TUBA3D: variants seen among roughly 807,000 people sequenced by gnomAD.
TUBA3D encodes the protein tubulin alpha-3D chain.
TUBA3D carries 24 observed loss-of-function variants against 36.1 expected under a neutral mutation model. That is an observed-to-expected ratio of 0.66 (90% CI 0.48 to 0.93). The LOEUF (loss-of-function observed/expected upper bound fraction) is 0.93. Among genes scored for constraint, TUBA3D ranks in the 40% least tolerant of loss-of-function variants. The probability of loss-of-function intolerance (pLI) is 0.00; values close to 1 mark genes in which losing one functional copy is unlikely to be tolerated. For missense variants in TUBA3D, 356 were observed against 614.5 expected (o/e 0.58, Z 4.45); for synonymous variants, 185 against 247.2 (o/e 0.75, Z 2.36).
At position 131,479,364 on chromosome 2, in the gene TUBA3D, G is replaced by A. The variant is rs367718176; in HGVS notation, c.283G>A (p.Gly95Arg). ...QLFHPEQLIT[G>R]KEDAANNYAR... ...CTTCCACCCGGAGCAGCTGATCACC[G>A]GGAAGGAAGATGCAGCCAATAATTA... is the stretch of plus-strand genomic sequence containing the variant. Residue 95 changes from glycine (G) to arginine (R), a missense_variant, in exon 3 of 5, where the codon GGG becomes AGG. Coordinates refer to ENST00000321253, the MANE Select transcript of TUBA3D (RefSeq NM_080386.4). The A allele has an allele frequency of 1.8e-5, 29 of 1,614,028 alleles. No individual in the cohort carries two copies. The highest frequency in any genetic ancestry group is 2.4e-5 in the Non-Finnish European group (28 of 1,180,038).
At position 131,479,086 on chromosome 2, in the gene TUBA3D, A is replaced by G. The variant is rs1811498; in HGVS notation, c.227-222A>G. On this transcript the variant is annotated intron_variant, in intron 2 of 4. Coordinates refer to ENST00000321253, the MANE Select transcript of TUBA3D (RefSeq NM_080386.4). ...CTGGGAACTGGTTGTGCTGACATTT[A>G]TACAACAAGCTGAGTTTAACTTTGT... Among the ~76,000 whole-genome samples, 5 of 152,386 alleles carry G rather than the reference A, an allele frequency of 3.3e-5. No homozygotes were observed. The East Asian group carries it at 5.8e-4, about 18-fold the overall frequency.
In TUBA3D at chr2:131,479,580, A is replaced by G. The variant is rs397843421; in HGVS notation, c.375+124A>G. On this transcript the variant is annotated intron_variant, in intron 3 of 4. Transcript: ENST00000321253. ...CTTGGCCGGGCGCGGTGGCTCACACATGTAATCCCAGCACTTTGGGAGGCT... is the reference window on the plus strand; with the variant it reads ...CTTGGCCGGGCGCGGTGGCTCACACGTGTAATCCCAGCACTTTGGGAGGCT... 7.7e-4 allele frequency: 1,169 copies of G among 1,516,336 alleles called. 5 individuals are homozygous for G. Among genetic ancestry groups the G allele is most frequent in the African/African-American group, 6.8e-3 (488 of 71,688 alleles). The allele number at this position is 1,516,336 out of a possible 1,614,324, so 93.9% of individuals were successfully genotyped here.
rs1163044274 is a variant in TUBA3D, at chr2:131,482,855, G to C, written c.*7G>C. The C allele has an allele frequency of 2.5e-6, 4 of 1,610,526 alleles. No homozygotes were observed. The African/African-American group carries it at 5.3e-5, about 22-fold the overall frequency. ...AGAAGGCGAAGAATACTGAGGGGAGGGTGTGGTGGGTTCTCCCCTGCCACC... is the reference window on the plus strand; with the variant it reads ...AGAAGGCGAAGAATACTGAGGGGAGCGTGTGGTGGGTTCTCCCCTGCCACC... On this transcript the variant is annotated 3_prime_UTR_variant, in exon 5 of 5. Coordinates refer to ENST00000321253, the MANE Select transcript of TUBA3D (RefSeq NM_080386.4).
chr2:131,477,037 C>CTTTTTTTTT (rs1229461335), intron 1 of TUBA3D, among the ~76,000 whole-genome samples: 1 of 108,728 alleles, frequency 9.2e-6, no homozygotes, highest in African/African-American at 6.8e-5. Flanking sequence ...CTTTTTCTTT[C>CTTTTTTTTT]TTTTTTTTTT....
rs756125358 is a variant in TUBA3D at position 131,482,768 on chromosome 2, C to T, written c.1273C>T (p.Leu425=). ...AGAGTTCTCTGAGGCCCGCGAGGACCTGGCAGCTCTAGAGAAGGATTATGA... is the reference window on the plus strand; with the variant it reads ...AGAGTTCTCTGAGGCCCGCGAGGACTTGGCAGCTCTAGAGAAGGATTATGA... The part of the protein sequence containing the change: ...EGEFSEARED[L]AALEKDYEEV... Residue 425 remains leucine (L), a synonymous_variant, in exon 5 of 5, where the codon CTG becomes TTG. Transcript: ENST00000321253. 1.2e-6 allele frequency: 2 copies of T among 1,614,198 alleles called. No homozygotes were observed. The highest frequency in any genetic ancestry group is 2.7e-5 in the African/African-American group (2 of 75,038).
At chr2:131,481,562 G>A (rs142046008) in intron 4 of TUBA3D, among the ~76,000 whole-genome samples, 7,430 of 151,750 alleles carry the variant, frequency 0.049, 621 homozygotes, top group African/African-American at 0.17. Context: ...AGCCTCCCAA[G>A]TAGCTGGGAT....
At chr2:131,477,548 T>A (rs1343841381) in intron 1 of TUBA3D, among the ~76,000 whole-genome samples, 1 of 144,660 alleles carries the variant, frequency 6.9e-6, no homozygotes, top group East Asian at 1.9e-4. Context: ...AAGGAGGGAG[T>A]ACCCTGGCAC....
At chr2:131,477,304 G>A (rs981403685) in intron 1 of TUBA3D, among the ~76,000 whole-genome samples, 1 of 152,154 alleles carries the variant, frequency 6.6e-6, no homozygotes, top group African/African-American at 2.4e-5. Flanking sequence ...TAAAGTGCTG[G>A]GATTATAGGA....
At chr2:131,482,173 T>C (rs1482406430) in intron 4 of TUBA3D, among the ~76,000 whole-genome samples, 2 of 151,976 alleles carry the variant, frequency 1.3e-5, no homozygotes, top group East Asian at 3.9e-4. Flanking sequence ...TGGGGAAGAG[T>C]TGTGTACTCT....
At position 131,482,761 on chromosome 2, in the gene TUBA3D, C is replaced by A. The variant is rs2272356; in HGVS notation, c.1266C>A (p.Arg422=). 6.4e-5 allele frequency: 98 copies of A among 1,538,754 alleles called. No homozygotes were observed. Among genetic ancestry groups the A allele is most frequent in the Non-Finnish European group, 8.3e-5 (93 of 1,117,918 alleles). ...AAGAGGGAGAGTTCTCTGAGGCCCGCGAGGACCTGGCAGCTCTAGAGAAGG... is the reference window on the plus strand; with the variant it reads ...AAGAGGGAGAGTTCTCTGAGGCCCGAGAGGACCTGGCAGCTCTAGAGAAGG... ...GMEEGEFSEA[R]EDLAALEKDY... Residue 422 remains arginine (R), a synonymous_variant, in exon 5 of 5, where the codon CGC becomes CGA. Transcript: ENST00000321253.
intron 3 of TUBA3D, 86 bp from the exon 4 acceptor site, chr2:131,479,983 G>C (rs1198175101): frequency 2.0e-6 from 3 of 1,475,014 alleles, no homozygotes; most frequent in Non-Finnish European, 2.7e-6. Context: ...CAACTCTTTA[G>C]AGGCAAAGAG....
rs771450521 is a variant in TUBA3D at position 131,480,757 on chromosome 2, T to A, written c.1056+8T>A. On this transcript the variant is annotated splice_region_variant and intron_variant, in intron 4 of 4. Transcript: ENST00000321253. ...TGCCCGACTGGATTTAAGGTATGACTGGGTGATGTGGAGGCCTTTCAGCAA... is the reference window on the plus strand; with the variant it reads ...TGCCCGACTGGATTTAAGGTATGACAGGGTGATGTGGAGGCCTTTCAGCAA... 5.0e-6 allele frequency: 8 copies of A among 1,605,198 alleles called. No individual in the cohort carries two copies. The highest frequency in any genetic ancestry group is 3.3e-5 in the Admixed American group (2 of 59,752).
Position 131,480,311 on chromosome 2 carries a change from T to C in TUBA3D, c.618T>C (p.Asn206=), listed in dbSNP as rs774586620. ...CTGACTGTGCCTTCATGGTCGACAATGAAGCCATCTATGACATATGTCGGC... is the reference window on the plus strand; with the variant it reads ...CTGACTGTGCCTTCATGGTCGACAACGAAGCCATCTATGACATATGTCGGC... ...EHSDCAFMVD[N]EAIYDICRRN... is the part of the protein sequence containing the mutation. Residue 206 remains asparagine, a synonymous_variant, in exon 4 of 5, where the codon AAT becomes AAC. Transcript: ENST00000321253. 3.1e-6 allele frequency: 5 copies of C among 1,613,228 alleles called. No homozygotes were observed. The highest frequency in any genetic ancestry group is 2.2e-5 in the South Asian group (2 of 91,068).
chr2:131,481,831 G>T (rs571495370), intron 4 of TUBA3D, among the ~76,000 whole-genome samples: 1 of 152,348 alleles, frequency 6.6e-6, no homozygotes, highest in African/African-American at 2.4e-5. Flanking sequence ...CTCCCAAAGT[G>T]CTGGGGTCAC....
chr2:131,478,641 C>T lies in TUBA3D; in HGVS notation c.226+255C>T, dbSNP rs557877286. Reference sequence around the variant, plus strand: ...AAGATGGGCTGTGAAGAGATTCCCTCGTGCGTGCCTCAGCCCTGCTCAGGT... The same window carrying T: ...AAGATGGGCTGTGAAGAGATTCCCTTGTGCGTGCCTCAGCCCTGCTCAGGT... On this transcript the variant is annotated intron_variant, in intron 2 of 4. Coordinates refer to ENST00000321253, the MANE Select transcript of TUBA3D (RefSeq NM_080386.4). 3.6e-5 allele frequency: 25 copies of T among 699,856 alleles called. No homozygotes were observed. The African/African-American group carries it at 3.6e-4, about 10-fold the overall frequency. 43.4% of individuals were successfully genotyped at this position (699,856 alleles called of 1,614,324 possible). A position where few individuals can be genotyped will look rare whatever the true frequency, so the allele number is the denominator to read the frequency against.
chr2:131,478,517 A>G, intron 2 of TUBA3D, 131 bp downstream of exon 2: 2 of 1,390,562 alleles, frequency 1.4e-6, no homozygotes, highest in Non-Finnish European at 1.9e-6. Flanking sequence ...TGGCATTGTT[A>G]GGAGAGAAAC....
intron 1 of TUBA3D, 79 bp downstream of exon 1, chr2:131,476,281 C>T: frequency 2.5e-6 from 4 of 1,606,944 alleles, no homozygotes; most frequent in East Asian, 2.2e-5. Context: ...GACGTTGTTG[C>T]GGGCCTGGGC....
chr2:131,477,482 A>C (rs1403837950), intron 1 of TUBA3D, among the ~76,000 whole-genome samples: 1 of 152,044 alleles, frequency 6.6e-6, no homozygotes, highest in Non-Finnish European at 1.5e-5. Flanking sequence ...AGCCTGCCAA[A>C]AGTGTGGCCT....
intron 4 of TUBA3D, among the ~76,000 whole-genome samples, chr2:131,481,458 C>CA (rs1384033899): frequency 2.7e-3 from 344 of 129,710 alleles, no homozygotes; most frequent in African/African-American, 0.011. Flanking sequence ...TTTTTTGAGA[C>CA]AGAGTCTTGC....
Sources: allele counts gnomAD v4.1 joint callset (sites outside exome capture counted in the v4.1 genomes callset), GRCh38; gene constraint gnomAD v4.1.1; transcripts MANE v1.5; gene names NCBI Gene and HGNC (gene_info 2026-07-23, HGNC 2026-07-21).